The following TCF4 variants were observed in gnomAD, a reference collection of about 807,000 sequenced individuals.
TCF4 encodes transcription factor 4.
A neutral mutation model predicts 82.1 loss-of-function variants in TCF4; 3 were observed. That is an observed-to-expected ratio of 0.04 (90% CI 0.02 to 0.09). The LOEUF (loss-of-function observed/expected upper bound fraction) is 0.09, where lower values mean the gene tolerates loss of function less well. Ranked by LOEUF, TCF4 falls within the 10% of genes least tolerant of loss-of-function variation. The probability of loss-of-function intolerance (pLI) is 1.00; values close to 1 mark genes in which losing one functional copy is unlikely to be tolerated. For synonymous variants in TCF4, 276 were observed against 309.6 expected (o/e 0.89, Z 1.14); for missense variants, 518 against 852.7 (o/e 0.61, Z 4.89).
chr18:55,424,436 C>A (rs1410666269), intron 5 of TCF4, among the ~76,000 whole-genome samples: 1 of 152,120 alleles, frequency 6.6e-6, no homozygotes, highest in African/African-American at 2.4e-5. Context: ...ACTGAAACAC[C>A]AACTTAAACA....
chr18:55,529,596 G>T (rs977040062), intron 3 of TCF4, among the ~76,000 whole-genome samples: 1 of 152,060 alleles, frequency 6.6e-6, no homozygotes. Flanking sequence ...TATTGTTTTA[G>T]ATCAGTTTTC....
rs2096732284 is a variant in TCF4, at chr18:55,504,408, T to C, written c.146-40271A>G. 2.0e-5 allele frequency among the ~76,000 whole-genome samples: 3 copies of C among 152,206 alleles called. No homozygotes were observed. In the South Asian group the frequency reaches 6.2e-4, roughly 31 times the overall value. On this transcript the variant is annotated intron_variant, in intron 3 of 19. Transcript: ENST00000354452. ...TGGCACTAGGCTCTCCTATGAAAAT[T>C]AGAAATCCTACTAATATTTGAGTAA...
At chr18:55,376,197 T>C (rs1253483684) in intron 6 of TCF4, among the ~76,000 whole-genome samples, 1 of 151,960 alleles carries the variant, frequency 6.6e-6, no homozygotes, top group African/African-American at 2.4e-5. Flanking sequence ...TTTGTCTTTT[T>C]CTATTTTTAT....
chr18:55,319,599 T>G (rs1048440078), intron 8 of TCF4, among the ~76,000 whole-genome samples: 6 of 152,178 alleles, frequency 3.9e-5, no homozygotes, highest in African/African-American at 7.2e-5. Flanking sequence ...CAGATTTGTT[T>G]TTAATAAACG....
intron 5 of TCF4, among the ~76,000 whole-genome samples, chr18:55,436,883 G>A (rs2095340791): frequency 6.6e-6 from 1 of 152,204 alleles, no homozygotes. Context: ...CTTGGAGTTT[G>A]TATTTCTTTT....
At chr18:55,427,663 G>A (rs2095043410) in intron 5 of TCF4, among the ~76,000 whole-genome samples, 1 of 152,058 alleles carries the variant, frequency 6.6e-6, no homozygotes. Flanking sequence ...GACACTGAAC[G>A]CCCTCAACAT....
chr18:55,321,088 A>AAT (rs2075377866), intron 8 of TCF4, among the ~76,000 whole-genome samples: 1 of 152,174 alleles, frequency 6.6e-6, no homozygotes, highest in African/African-American at 2.4e-5. Flanking sequence ...TTTGGCTTTA[A>AAT]ATATATATCT....
chr18:55,311,889 G>C (rs1318144540), intron 8 of TCF4, among the ~76,000 whole-genome samples: 1 of 152,114 alleles, frequency 6.6e-6, no homozygotes, highest in Non-Finnish European at 1.5e-5. Flanking sequence ...ATCTATTACT[G>C]TCTAGTTATG....
intron 3 of TCF4, among the ~76,000 whole-genome samples, chr18:55,542,884 C>A (rs966755005): frequency 6.6e-5 from 10 of 152,060 alleles, no homozygotes; most frequent in African/African-American, 2.4e-4. Flanking sequence ...AATTAAACAT[C>A]TAAAACTCTT....
intron 3 of TCF4, among the ~76,000 whole-genome samples, chr18:55,527,588 G>A (rs1001911139): frequency 1.3e-5 from 2 of 152,048 alleles, no homozygotes; most frequent in African/African-American, 4.8e-5. Context: ...AATGCACGAG[G>A]TATTTTTTCT....
At chr18:55,419,687 C>T (rs530547430) in intron 5 of TCF4, among the ~76,000 whole-genome samples, 5 of 152,122 alleles carry the variant, frequency 3.3e-5, no homozygotes, top group Admixed American at 2.0e-4. Context: ...ATTCTTTTTT[C>T]TCAAGCAAAC....
chr18:55,407,348 T>G (rs1440880046), intron 5 of TCF4, among the ~76,000 whole-genome samples: 2 of 152,144 alleles, frequency 1.3e-5, no homozygotes, highest in Non-Finnish European at 2.9e-5. Flanking sequence ...TATGTCACAA[T>G]TTTTTAAATT....
chr18:55,238,012 GC>G (rs2050053426), intron 15 of TCF4, among the ~76,000 whole-genome samples: 1 of 152,226 alleles, frequency 6.6e-6, no homozygotes, highest in South Asian at 2.1e-4. Context: ...CATTAAGGCG[GC>G]CCATTCATAG....
At chr18:55,362,033 T>G (rs541400109) in intron 6 of TCF4, among the ~76,000 whole-genome samples, 1 of 152,282 alleles carries the variant, frequency 6.6e-6, no homozygotes, top group African/African-American at 2.4e-5. Flanking sequence ...AAATCTCACA[T>G]CTGAAATTCT....
rs565716627 is a variant in TCF4, at chr18:55,614,153, C to G, written c.286+17145G>C. The stretch of plus-strand genomic sequence containing the variant: ...CAAGTGAGCCTCCCGCCTTAGCCTT[C>G]CAATGTGCGGGGACTACAAGCATAA... On this transcript the variant is annotated intron_variant, in intron 2 of 20. Transcript: ENST00000398339. 5.3e-5 allele frequency among the ~76,000 whole-genome samples: 8 copies of G among 152,302 alleles called. No homozygotes were observed. The South Asian group carries it at 1.7e-3, about 32-fold the overall frequency.
chr18:55,387,884 A>T (rs963134539), intron 6 of TCF4, among the ~76,000 whole-genome samples: 2 of 152,182 alleles, frequency 1.3e-5, no homozygotes, highest in Non-Finnish European at 1.5e-5. Flanking sequence ...GGGTACAAAG[A>T]CATCAAAGGA....
In TCF4 at chr18:55,223,756, T is replaced by C. The variant is rs2046215456; in HGVS notation, c.*4279A>G. On this transcript the variant is annotated 3_prime_UTR_variant, in exon 20 of 20. Coordinates refer to ENST00000354452, the MANE Select transcript of TCF4 (RefSeq NM_001083962.2). ...TTTTAAGTTTTTAATGCTGCAGCTA[T>C]GTGTACAGTCGCAAAAAATTTCCCC... The C allele has an allele frequency of 6.6e-6, 1 of 151,162 alleles. No homozygotes were observed. Among genetic ancestry groups the C allele is most frequent in the Non-Finnish European group, 1.5e-5 (1 of 67,808 alleles). 9.4% of individuals were successfully genotyped at this position (151,162 alleles called of 1,614,324 possible).
chr18:55,585,006 G>A (rs766575936), intron 3 of TCF4, among the ~76,000 whole-genome samples: 49 of 151,968 alleles, frequency 3.2e-4, no homozygotes, highest in Admixed American at 2.0e-3. Flanking sequence ...TTATCTTCAT[G>A]TGTTTGATTA....
intron 3 of TCF4, among the ~76,000 whole-genome samples, chr18:55,508,520 T>C (rs1472490239): frequency 2.0e-5 from 3 of 152,228 alleles, no homozygotes; most frequent in Non-Finnish European, 4.4e-5. Context: ...GGCTGAACAC[T>C]GTTCTCAATG....
Sources: allele counts gnomAD v4.1 joint callset (sites outside exome capture counted in the v4.1 genomes callset), GRCh38; gene constraint gnomAD v4.1.1; transcripts MANE v1.5; gene names NCBI Gene and HGNC (gene_info 2026-07-23, HGNC 2026-07-21).